The following NR4A2 variants were observed in gnomAD, a reference collection of about 807,000 sequenced individuals.
NR4A2 encodes the protein nuclear receptor subfamily 4 group A member 2, also known as NGFI-B/nur77 beta-type transcription factor homolog.
Under a neutral mutation model 50.5 loss-of-function variants are expected in NR4A2, and 1 was observed. The observed-to-expected ratio is 0.02, with a 90% CI of 0.01 to 0.09. NR4A2 has a LOEUF of 0.09. Ranked by LOEUF, NR4A2 falls within the 10% of genes least tolerant of loss-of-function variation. The pLI, the probability that NR4A2 is intolerant of heterozygous loss-of-function variation, is 1.00. For synonymous variants in NR4A2, 328 were observed against 309.4 expected (o/e 1.06, Z -0.63); for missense variants, 613 against 777.3 (o/e 0.79, Z 2.51).
In NR4A2 at chr2:156,328,041, C is replaced by T. The variant is rs765519917; in HGVS notation, c.995-27G>A. On this transcript the variant is annotated intron_variant, in intron 4 of 7. Coordinates refer to ENST00000339562, the MANE Select transcript of NR4A2 (RefSeq NM_006186.4). This position sits in a 1 kb window ranked among gnomAD's most constrained non-coding sequence, Gnocchi z 4.9. ...TGCAAAGGAAGAGCCCTGTTAGCGC[C>T]GCTTTTCCGAGCCCAGGCCCAGCTG... 14 of 1,594,310 alleles carry T rather than the reference C, an allele frequency of 8.8e-6. No individual in the cohort carries two copies. In the South Asian group the frequency reaches 1.5e-4, roughly 17 times the overall value.
intron 1 of NR4A2, among the ~76,000 whole-genome samples, chr2:156,331,446 T>C (rs1686920545): frequency 6.6e-6 from 1 of 152,164 alleles, no homozygotes; most frequent in South Asian, 2.1e-4. Flanking sequence ...GGCTTAATGG[T>C]CACAAGGTGG....
At position 156,329,266 on chromosome 2, in the gene NR4A2, G is replaced by T; in HGVS notation, c.864+57C>A. ...GGCACCAAGGCAGAGGGCACACTCCGAGGTCCCGGGCACTAGGGGCTCCCT... is the reference window on the plus strand; with the variant it reads ...GGCACCAAGGCAGAGGGCACACTCCTAGGTCCCGGGCACTAGGGGCTCCCT... On this transcript the variant is annotated intron_variant, in intron 3 of 7. Transcript: ENST00000339562. This position sits in a 1 kb window ranked among gnomAD's most constrained non-coding sequence, Gnocchi z 7.5. 1.3e-6 allele frequency: 2 copies of T among 1,574,228 alleles called. No individual in the cohort carries two copies. The highest frequency in any genetic ancestry group is 2.3e-5 in the South Asian group (2 of 86,686).
Position 156,331,041 on chromosome 2 carries a change from C to A in NR4A2, c.-126-250G>T, listed in dbSNP as rs1216255826. On this transcript the variant is annotated intron_variant, in intron 1 of 7. Transcript: ENST00000339562. The stretch of plus-strand genomic sequence containing the variant: ...AGATCCTGCAAGAGGAAAGCTAGTC[C>A]ATGAACTCATTTAACATTTATGATG... Among the ~76,000 whole-genome samples the A allele has an allele frequency of 4.6e-5, 7 of 152,302 alleles. No homozygotes were observed. In the East Asian group the frequency reaches 1.2e-3, roughly 25 times the overall value.
Position 156,328,377 on chromosome 2 carries a change from G to C in NR4A2, c.994+27C>G, listed in dbSNP as rs1259971667. ...AGTGGTTTCCTAAAGGCGCAAACTG[G>C]AGGGTCGGCAGCTCCCCTCAGCCTA... On this transcript the variant is annotated intron_variant, in intron 4 of 7. Coordinates refer to ENST00000339562, the MANE Select transcript of NR4A2 (RefSeq NM_006186.4). The surrounding 1 kb of genome is among the most constrained non-coding windows in gnomAD (Gnocchi z 4.9). 6.2e-7 allele frequency: 1 copy of C among 1,614,086 alleles called. No homozygotes were observed. Among genetic ancestry groups the C allele is most frequent in the Admixed American group, 1.7e-5 (1 of 60,020 alleles).
In NR4A2 at chr2:156,328,429, G is replaced by A. The variant is rs1686756069; in HGVS notation, c.969C>T (p.Cys323=). The change falls in exon 4 of 8, where the codon TGC becomes TGT. Residue 323 remains cysteine, a synonymous_variant. Coordinates refer to ENST00000339562, the MANE Select transcript of NR4A2 (RefSeq NM_006186.4). The surrounding 1 kb of genome is among the most constrained non-coding windows in gnomAD (Gnocchi z 4.9). ...NRCQYCRFQK[C]LAVGMVKEVV... ...CTTCTTTGACCATCCCAACAGCCAGGCACTTCTGAAATCGGCAGTACTGAC... is the reference window on the plus strand; with the variant it reads ...CTTCTTTGACCATCCCAACAGCCAGACACTTCTGAAATCGGCAGTACTGAC... 1.9e-6 allele frequency: 3 copies of A among 1,614,196 alleles called. No homozygotes were observed. The highest frequency in any genetic ancestry group is 3.3e-4 in the Middle Eastern group (2 of 6,060).
Position 156,328,561 on chromosome 2 carries a change from A to T in NR4A2, c.865-28T>A, listed in dbSNP as rs765008816. Reference sequence around the variant, plus strand: ...GCAAAAGGAGACAATATAGACCAACATTTTTTTTCTTCTTTTGAAAATCAG... The same window carrying T: ...GCAAAAGGAGACAATATAGACCAACTTTTTTTTTCTTCTTTTGAAAATCAG... On this transcript the variant is annotated intron_variant, in intron 3 of 7. Transcript: ENST00000339562. The surrounding 1 kb of genome is among the most constrained non-coding windows in gnomAD (Gnocchi z 4.9). The T allele has an allele frequency of 6.2e-7, 1 of 1,613,568 alleles. No individual in the cohort carries two copies. The highest frequency in any genetic ancestry group is 1.7e-5 in the Admixed American group (1 of 59,982).
intron 1 of NR4A2, chr2:156,331,710 A>G (rs541406165): frequency 1.8e-4 from 28 of 152,324 alleles, no homozygotes; most frequent in African/African-American, 5.8e-4. Flanking sequence ...GAAAGCCAGT[A>G]TCCTCTCTTT....
Position 156,329,892 on chromosome 2 carries a change from T to A in NR4A2, c.295A>T (p.Asn99Tyr). ...SIKVEDIQMH[N>Y]YQQHSHLPPQ... is the part of the protein sequence containing the mutation. The stretch of plus-strand genomic sequence containing the variant: ...GGCAGGTGGCTGTGTTGCTGGTAGT[T>A]GTGCATCTGAATGTCTTCTACCTTA... The change falls in exon 3 of 8, where the codon AAC (asparagine) becomes TAC (tyrosine). Residue 99 changes from asparagine (N) to tyrosine (Y), a missense_variant. This residue lies in a region of NR4A2 where 275 missense variants were observed against 248.9 expected (regional missense o/e 1.10). Transcript: ENST00000339562. This position sits in a 1 kb window ranked among gnomAD's most constrained non-coding sequence, Gnocchi z 7.5. The A allele has an allele frequency of 6.2e-7, 1 of 1,614,088 alleles. No individual in the cohort carries two copies. Among genetic ancestry groups the A allele is most frequent in the Non-Finnish European group, 8.5e-7 (1 of 1,180,010 alleles).
Position 156,328,651 on chromosome 2 carries a change from T to A in NR4A2, c.865-118A>T, listed in dbSNP as rs982745590. On this transcript the variant is annotated intron_variant, in intron 3 of 7. Transcript: ENST00000339562. The surrounding 1 kb of genome is among the most constrained non-coding windows in gnomAD (Gnocchi z 4.9). ...CGATTCCTCCCCACAAACAAACACA[T>A]ACACACAATTCCATTTTATTTTTTT... 2 of 1,180,986 alleles carry A rather than the reference T, an allele frequency of 1.7e-6. No individual in the cohort carries two copies. The highest frequency in any genetic ancestry group is 3.0e-5 in the African/African-American group (2 of 65,918). 73.2% of individuals were successfully genotyped at this position (1,180,986 alleles called of 1,614,324 possible). A position where few individuals can be genotyped will look rare whatever the true frequency, so the allele number is the denominator to read the frequency against.
Position 156,325,790 on chromosome 2 carries a change from G to A in NR4A2, c.1751C>T (p.Pro584Leu). ...FYLKLEDLVP[P>L]PAIIDKLFLD... ...GAAAAGTTTGTCAATTATTGCTGGC[G>A]GTGGCACCAAGTCTTCCAATTTCAG... Residue 584 changes from proline (P) to leucine (L), a missense_variant, in exon 8 of 8, where the codon CCG (proline) becomes CTG (leucine). Pro to Leu is a moderately conservative substitution (Grantham distance 98). Coordinates refer to ENST00000339562, the MANE Select transcript of NR4A2 (RefSeq NM_006186.4). 6.2e-7 allele frequency: 1 copy of A among 1,614,140 alleles called. No homozygotes were observed. Among genetic ancestry groups the A allele is most frequent in the Non-Finnish European group, 8.5e-7 (1 of 1,180,042 alleles).
chr2:156,326,264 C>T lies in NR4A2; in HGVS notation c.1426G>A (p.Val476Ile), dbSNP rs774046320. Residue 476 changes from valine (V) to isoleucine (I), a missense_variant, in exon 7 of 8, where the codon GTT becomes ATT. Around this residue, in one of 4 missense-constraint regions of NR4A2, gnomAD observed 250 missense variants for 311.3 expected, o/e 0.80. Transcript: ENST00000339562. The surrounding 1 kb of genome is among the most constrained non-coding windows in gnomAD (Gnocchi z 4.2). ...NGVVLHRLQC[V>I]RGFGEWIDSI... is the part of the protein sequence containing the mutation. Reference sequence around the variant, plus strand: ...TCAATCCATTCCCCAAAGCCACGAACGCATTGCAACCTGTGCAAGACCACC... The same window carrying T: ...TCAATCCATTCCCCAAAGCCACGAATGCATTGCAACCTGTGCAAGACCACC... The T allele has an allele frequency of 1.5e-5, 25 of 1,614,064 alleles. No individual in the cohort carries two copies. The highest frequency in any genetic ancestry group is 1.3e-4 in the East Asian group (6 of 44,892).
rs1305039738 is a variant in NR4A2, at chr2:156,328,297, G to C, written c.994+107C>G. 1.3e-6 allele frequency: 2 copies of C among 1,565,254 alleles called. No individual in the cohort carries two copies. The highest frequency in any genetic ancestry group is 2.7e-5 in the African/African-American group (2 of 73,868). On this transcript the variant is annotated intron_variant, in intron 4 of 7. Coordinates refer to ENST00000339562, the MANE Select transcript of NR4A2 (RefSeq NM_006186.4). The surrounding 1 kb of genome is among the most constrained non-coding windows in gnomAD (Gnocchi z 4.9). ...GCAGGGTCCTGGAGGCCATACTGAG[G>C]GGGAGTCGGAGATCCCCAGCACCGG...
Position 156,330,727 on chromosome 2 carries a change from T to A in NR4A2, c.-62A>T, listed in dbSNP as rs142094423. On this transcript the variant is annotated 5_prime_UTR_variant, in exon 2 of 8. Coordinates refer to ENST00000339562, the MANE Select transcript of NR4A2 (RefSeq NM_006186.4). ...AAAGGTGGACAGTGTCGTAATTCAA[T>A]GAAGGACAAAGTTTCCAAGATTTTT... 81 of 1,258,224 alleles carry A rather than the reference T, an allele frequency of 6.4e-5. 1 individual carries two copies. The African/African-American group carries it at 1.2e-3, about 18-fold the overall frequency. The allele number at this position is 1,258,224 out of a possible 1,614,324, so 77.9% of individuals were successfully genotyped here.
In NR4A2 at chr2:156,329,131, C is replaced by T. The variant is rs2105607670; in HGVS notation, c.864+192G>A. 6.6e-6 allele frequency among the ~76,000 whole-genome samples: 1 copy of T among 152,354 alleles called. No homozygotes were observed. The highest frequency in any genetic ancestry group is 1.9e-4 in the East Asian group (1 of 5,186). ...CCTGGCCTCCCAGTCTTTCTGCTTC[C>T]CTTTCTCAGACACCCGGAAGTCCCC... On this transcript the variant is annotated intron_variant, in intron 3 of 7. Transcript: ENST00000339562. This position sits in a 1 kb window ranked among gnomAD's most constrained non-coding sequence, Gnocchi z 7.5.
chr2:156,327,730 A>G lies in NR4A2; in HGVS notation c.1158+121T>C, dbSNP rs889969773. 4.9e-6 allele frequency: 6 copies of G among 1,223,124 alleles called. No homozygotes were observed. In the Admixed American group the frequency reaches 1.2e-4, roughly 24 times the overall value. The allele number at this position is 1,223,124 out of a possible 1,614,324, so 75.8% of individuals were successfully genotyped here. On this transcript the variant is annotated intron_variant, in intron 5 of 7. Transcript: ENST00000339562. Reference sequence around the variant, plus strand: ...GAGGCCCTGGCCAGAGCTGCGAGGCATATACAGCCTTGCTTGCCTTCTTTA... The same window carrying G: ...GAGGCCCTGGCCAGAGCTGCGAGGCGTATACAGCCTTGCTTGCCTTCTTTA...
rs1384153033 is a variant in NR4A2, at chr2:156,327,927, G to C, written c.1082C>G (p.Pro361Arg). 4 of 1,595,024 alleles carry C rather than the reference G, an allele frequency of 2.5e-6. No homozygotes were observed. The highest frequency in any genetic ancestry group is 1.1e-5 in the South Asian group (1 of 88,146). Residue 361 changes from proline to arginine, a missense_variant, in exon 5 of 8, where the codon CCG becomes CGG. By Grantham distance (103) the Pro-to-Arg change is moderately radical. This residue lies in a region of NR4A2 where 250 missense variants were observed against 311.3 expected (regional missense o/e 0.80). Coordinates refer to ENST00000339562, the MANE Select transcript of NR4A2 (RefSeq NM_006186.4). The stretch of plus-strand genomic sequence containing the variant: ...GACGAGGGCACTGATCAGACTCACC[G>C]GGGGCGAAGGGGGAGAGGGCTCCTG... ...SPQEPSPPSP[P>R]VSLISALVRA...
intron 2 of NR4A2, 49 bp from the exon 3 acceptor site, chr2:156,330,237 C>T (rs1686862278): frequency 6.2e-7 from 1 of 1,606,294 alleles, no homozygotes. Context: ...CAACTGAACA[C>T]TTTCTCCCGG....
chr2:156,329,912 A>G lies in NR4A2; in HGVS notation c.275T>C (p.Val92Ala), dbSNP rs1319448218. 4 of 1,614,042 alleles carry G rather than the reference A, an allele frequency of 2.5e-6. No homozygotes were observed. The highest frequency in any genetic ancestry group is 3.4e-6 in the Non-Finnish European group (4 of 1,180,048). ...PLSGQQSSIK[V>A]EDIQMHNYQQ... ...GTAGTTGTGCATCTGAATGTCTTCT[A>G]CCTTAATGGAGGACTGCTGTCCGGA... Residue 92 changes from valine to alanine, a missense_variant, in exon 3 of 8, where the codon GTA becomes GCA. Transcript: ENST00000339562. This position sits in a 1 kb window ranked among gnomAD's most constrained non-coding sequence, Gnocchi z 7.5.
rs1686613432 is a variant in NR4A2, at chr2:156,325,729, G to GCC, written c.*14_*15insGG. The GCC allele has an allele frequency of 6.2e-7, 1 of 1,613,876 alleles. No homozygotes were observed. The highest frequency in any genetic ancestry group is 8.5e-7 in the Non-Finnish European group (1 of 1,180,020). On this transcript the variant is annotated 3_prime_UTR_variant, in exon 8 of 8. Coordinates refer to ENST00000339562, the MANE Select transcript of NR4A2 (RefSeq NM_006186.4). ...ATTATCATTCCAGTTCCTTTGAAGTGCTTGGGAGGAGGTCTTAGAAAGGTA... is the reference window on the plus strand; with the variant it reads ...ATTATCATTCCAGTTCCTTTGAAGTGCCCTTGGGAGGAGGTCTTAGAAAGGTA...
Sources: allele counts gnomAD v4.1 joint callset (sites outside exome capture counted in the v4.1 genomes callset), GRCh38; gene constraint gnomAD v4.1.1; regional missense constraint gnomAD v4.1.1; non-coding constraint Gnocchi (gnomAD v3.1); transcripts MANE v1.5; gene names NCBI Gene and HGNC (gene_info 2026-07-23, HGNC 2026-07-21).